NUDCD3: variants seen among roughly 807,000 people sequenced by gnomAD.
NUDCD3 encodes nudC domain-containing protein 3.
A neutral mutation model predicts 39.7 loss-of-function variants in NUDCD3; 13 were observed. That is an observed-to-expected ratio of 0.33 (90% CI 0.21 to 0.52). The LOEUF is 0.52. NUDCD3 is among the 20% of genes least tolerant of loss of function. The pLI, the probability that NUDCD3 is intolerant of heterozygous loss-of-function variation, is 0.96. For missense variants in NUDCD3, 453 were observed against 458.1 expected (o/e 0.99, Z 0.10); for synonymous variants, 175 against 172.4 (o/e 1.02, Z -0.12).
intron 5 of NUDCD3, among the ~76,000 whole-genome samples, chr7:44,391,189 T>C (rs1462724433): frequency 2.0e-5 from 3 of 152,144 alleles, no homozygotes; most frequent in Non-Finnish European, 4.4e-5. Context: ...AAACTGTATT[T>C]TCAGGGGTAC....
intron 3 of NUDCD3, among the ~76,000 whole-genome samples, chr7:44,427,305 G>A (rs1225108967): frequency 1.3e-5 from 2 of 152,242 alleles, no homozygotes; most frequent in African/African-American, 4.8e-5. Flanking sequence ...GACATCAGAT[G>A]TGTGGGCTTC....
chr7:44,430,525 A>G (rs1799336494), intron 2 of NUDCD3, among the ~76,000 whole-genome samples: 2 of 151,884 alleles, frequency 1.3e-5, no homozygotes, highest in Non-Finnish European at 2.9e-5. Flanking sequence ...GAAAAAAGTC[A>G]AAATTGTGAA....
intron 2 of NUDCD3, among the ~76,000 whole-genome samples, chr7:44,475,969 T>C (rs765405128): frequency 2.6e-5 from 4 of 152,204 alleles, no homozygotes; most frequent in Non-Finnish European, 5.9e-5. Flanking sequence ...TAATAGCTAG[T>C]ATCTACTTGA....
intron 2 of NUDCD3, among the ~76,000 whole-genome samples, chr7:44,451,324 T>G (rs1799790311): frequency 6.6e-6 from 1 of 152,272 alleles, no homozygotes. Context: ...TTCCAAAGAC[T>G]GGGAGCACGG....
chr7:44,455,335 T>C (rs767881532), intron 2 of NUDCD3, among the ~76,000 whole-genome samples: 17 of 152,090 alleles, frequency 1.1e-4, no homozygotes, highest in Non-Finnish European at 2.2e-4. Flanking sequence ...CATCCACAGT[T>C]CACACACTCA....
intron 2 of NUDCD3, among the ~76,000 whole-genome samples, chr7:44,449,655 C>G (rs987471948): frequency 6.6e-6 from 1 of 152,022 alleles, no homozygotes; most frequent in East Asian, 1.9e-4. Context: ...GCTGGTGTAA[C>G]CAGACATCCA....
chr7:44,423,543 T>C (rs1023587849), intron 3 of NUDCD3, among the ~76,000 whole-genome samples: 2 of 152,042 alleles, frequency 1.3e-5, no homozygotes, highest in African/African-American at 4.8e-5. Flanking sequence ...CCATCCGCAA[T>C]TGCTACAAAG....
Position 44,386,081 on chromosome 7 carries a change from C to A in NUDCD3, c.1016G>T (p.Gly339Val). ...GAATCGCTGGCCTCGGAAGGGAGAA[C>A]CTTCAGCATCCCACCCCTTCTTCAG... ...EMLKKGWDAE[G>V]SPFRGQRFDP... Residue 339 changes from glycine (G) to valine (V), a missense_variant, in exon 6 of 6, where the codon GGT becomes GTT. Gly to Val is a moderately radical substitution (Grantham distance 109). Transcript: ENST00000355451. 1 of 1,614,048 alleles carries A rather than the reference C, an allele frequency of 6.2e-7. No homozygotes were observed. Among genetic ancestry groups the A allele is most frequent in the East Asian group, 2.2e-5 (1 of 44,882 alleles).
At position 44,414,034 on chromosome 7, in the gene NUDCD3, C is replaced by CA. The variant is rs933624365; in HGVS notation, c.643-9452dup. ...TGGGTAACAGAACAAAACCCTGTCT[C>CA]AAAAAAAAAAAAGAAAAAAGAAAGA... On this transcript the variant is annotated intron_variant, in intron 3 of 5. Transcript: ENST00000355451. Among the ~76,000 whole-genome samples the CA allele has an allele frequency of 5.2e-3, 637 of 123,174 alleles. 4 individuals are homozygous for CA. Among genetic ancestry groups the CA allele is most frequent in the Non-Finnish European group, 5.4e-3 (308 of 57,484 alleles). 80.8% of individuals were successfully genotyped at this position (123,174 alleles called of 152,430 possible). A position where few individuals can be genotyped will look rare whatever the true frequency, so the allele number is the denominator to read the frequency against.
chr7:44,390,931 C>T (rs1470126538), intron 5 of NUDCD3, among the ~76,000 whole-genome samples: 5 of 152,184 alleles, frequency 3.3e-5, no homozygotes, highest in African/African-American at 9.7e-5. Flanking sequence ...TCTGCATGGA[C>T]GTAGGCCAAG....
chr7:44,473,648 G>A (rs1009309717), intron 2 of NUDCD3, among the ~76,000 whole-genome samples: 17 of 152,144 alleles, frequency 1.1e-4, no homozygotes, highest in Admixed American at 1.0e-3. Flanking sequence ...TTTTGCAAAA[G>A]ATGATATTGA....
At chr7:44,487,960 A>C (rs1270520895) in intron 1 of NUDCD3, among the ~76,000 whole-genome samples, 3 of 151,740 alleles carry the variant, frequency 2.0e-5, no homozygotes, top group African/African-American at 7.3e-5. Context: ...CTCAAAAATA[A>C]AAAATAAAAA....
intron 3 of NUDCD3, among the ~76,000 whole-genome samples, chr7:44,415,472 GA>G (rs1262417093): frequency 6.6e-6 from 1 of 152,194 alleles, no homozygotes; most frequent in Non-Finnish European, 1.5e-5. Flanking sequence ...TTTTCTTTCA[GA>G]TTCACTAGCA....
chr7:44,478,406 A>G (rs1383549488), intron 2 of NUDCD3, among the ~76,000 whole-genome samples: 1 of 152,192 alleles, frequency 6.6e-6, no homozygotes, highest in Admixed American at 6.5e-5. Flanking sequence ...TACAAAAATT[A>G]GCCAGGCATG....
rs1800579308 is a variant in NUDCD3, at chr7:44,485,120, G to A, written c.357C>T (p.Asp119=). 6.2e-7 allele frequency: 1 copy of A among 1,614,086 alleles called. No individual in the cohort carries two copies. The highest frequency in any genetic ancestry group is 1.3e-5 in the African/African-American group (1 of 74,910). The change falls in exon 2 of 6, where the codon GAC becomes GAT. Residue 119 remains aspartate, a synonymous_variant. Coordinates refer to ENST00000355451, the MANE Select transcript of NUDCD3 (RefSeq NM_015332.4). ...VPVPVQEIEI[D]STTELDGHQE... ...GATGCCCATCCAATTCTGTGGTGGA[G>A]TCAATCTCTATTTCCTGGACTGGAA...
At chr7:44,398,782 T>C (rs1798669619) in intron 4 of NUDCD3, among the ~76,000 whole-genome samples, 1 of 152,292 alleles carries the variant, frequency 6.6e-6, no homozygotes, top group South Asian at 2.1e-4. Flanking sequence ...GGGACGTTCC[T>C]TCCGGGAAGG....
chr7:44,406,358 C>A (rs1019960453), intron 3 of NUDCD3, among the ~76,000 whole-genome samples: 1 of 152,216 alleles, frequency 6.6e-6, no homozygotes, highest in Non-Finnish European at 1.5e-5. Flanking sequence ...CTGAGCTTCA[C>A]TCCCTACCTT....
At chr7:44,449,114 C>T (rs1226664564) in intron 2 of NUDCD3, among the ~76,000 whole-genome samples, 2 of 152,202 alleles carry the variant, frequency 1.3e-5, no homozygotes, top group South Asian at 2.1e-4. Flanking sequence ...TGGATGAGCT[C>T]TCCAAGGGAG....
At chr7:44,437,120 A>G (rs1585078276) in intron 2 of NUDCD3, among the ~76,000 whole-genome samples, 1 of 129,354 alleles carries the variant, frequency 7.7e-6, no homozygotes, top group Admixed American at 9.6e-5. Context: ...TCCAGGCTGG[A>G]GTGCAATGGT....
Sources: allele counts gnomAD v4.1 joint callset (sites outside exome capture counted in the v4.1 genomes callset), GRCh38; gene constraint gnomAD v4.1.1; transcripts MANE v1.5; gene names NCBI Gene and HGNC (gene_info 2026-07-23, HGNC 2026-07-21).